The following AK7 variants were observed in gnomAD, a reference collection of about 807,000 sequenced individuals.
AK7 encodes the protein ATP-AMP transphosphorylase 7.
A neutral mutation model predicts 96.6 loss-of-function variants in AK7; 78 were observed. The observed-to-expected ratio is 0.81, with a 90% CI of 0.67 to 0.97. The LOEUF is 0.97. Among genes scored for constraint, AK7 ranks in the 50% least tolerant of loss-of-function variants. The pLI is 0.00. For synonymous variants in AK7, 302 were observed against 317.2 expected, an observed-to-expected ratio of 0.95 and a Z score of 0.51; for missense variants, 855 against 887.9, an observed-to-expected ratio of 0.96 and a Z score of 0.47.
At chr14:96,411,483 C>T (rs1310342219) in intron 4 of AK7, among the ~76,000 whole-genome samples, 2 of 151,792 alleles carry the variant, frequency 1.3e-5, no homozygotes, top group African/African-American at 2.4e-5. Context: ...TGTACTCCAG[C>T]CTGGGCGACA....
At chr14:96,457,057 T>C (rs1372865712) in intron 11 of AK7, 1 of 126,850 alleles carries the variant, frequency 7.9e-6, no homozygotes, top group Non-Finnish European at 1.6e-5. Flanking sequence ...AAAATGGCTT[T>C]TTTTTTTTTT....
At chr14:96,455,401 T>A (rs1390389172) in intron 10 of AK7, among the ~76,000 whole-genome samples, 1 of 151,872 alleles carries the variant, frequency 6.6e-6, no homozygotes, top group Non-Finnish European at 1.5e-5. Flanking sequence ...GGGAGGATGG[T>A]TTGAGCCCAG....
chr14:96,455,949 G>T (rs1226746962), intron 10 of AK7, among the ~76,000 whole-genome samples: 1 of 151,776 alleles, frequency 6.6e-6, no homozygotes, highest in African/African-American at 2.4e-5. Context: ...TTTTCAAAAG[G>T]CACTCCCAGC....
chr14:96,404,511 G>T (rs1371774821), intron 2 of AK7, among the ~76,000 whole-genome samples: 1 of 152,166 alleles, frequency 6.6e-6, no homozygotes, highest in East Asian at 1.9e-4. Flanking sequence ...TGCAGAAATA[G>T]AACCTAAGAT....
intron 4 of AK7, among the ~76,000 whole-genome samples, chr14:96,410,957 C>T (rs902701356): frequency 6.6e-6 from 1 of 152,090 alleles, no homozygotes; most frequent in African/African-American, 2.4e-5. Flanking sequence ...GCTGAGATCA[C>T]ACCACTGCAC....
At chr14:96,460,966 A>G (rs1162941514) in intron 12 of AK7, among the ~76,000 whole-genome samples, 2 of 152,150 alleles carry the variant, frequency 1.3e-5, no homozygotes, top group African/African-American at 2.4e-5. Context: ...TTGCATGCAA[A>G]CACCAAGTGT....
In AK7 at chr14:96,398,497, T is replaced by G. The variant is rs545015123; in HGVS notation, c.294+234T>G. ...TAGTGTTGGAAAGGATGGATCTAAG[T>G]TGGACTTTCAGACTCATACAGTTCT... On this transcript the variant is annotated intron_variant, in intron 2 of 17. Transcript: ENST00000267584. 5.4e-6 allele frequency: 3 copies of G among 550,860 alleles called. No individual in the cohort carries two copies. The South Asian group carries it at 6.1e-5, about 11-fold the overall frequency. The allele number at this position is 550,860 out of a possible 1,614,324, so 34.1% of individuals were successfully genotyped here.
In AK7 at chr14:96,460,640, T is replaced by G. The variant is rs530019006; in HGVS notation, c.1357+2428T>G. 3.0e-4 allele frequency among the ~76,000 whole-genome samples: 45 copies of G among 152,294 alleles called. 1 individual carries two copies. The South Asian group carries it at 9.1e-3, about 31-fold the overall frequency. On this transcript the variant is annotated intron_variant, in intron 12 of 17. Coordinates refer to ENST00000267584, the MANE Select transcript of AK7 (RefSeq NM_152327.5). ...CACCCCTTTGCCATAGAGGTTGTCC[T>G]CTTCCCAGCTACTCACCTCCACCTG...
chr14:96,481,855 C>T (rs1895523792), intron 15 of AK7, among the ~76,000 whole-genome samples: 1 of 151,790 alleles, frequency 6.6e-6, no homozygotes, highest in African/African-American at 2.4e-5. Context: ...CAGGTGTGCA[C>T]CACCACACCA....
chr14:96,422,784 C>T (rs61652404), intron 5 of AK7, among the ~76,000 whole-genome samples: 49,554 of 151,940 alleles, frequency 0.33, 8,382 homozygotes, highest in Middle Eastern at 0.38. Context: ...TTCAGGGGGT[C>T]GCCCTATAGC....
At chr14:96,408,696 T>C in intron 3 of AK7, 151 bp from the exon 4 acceptor site, 1 of 652,514 alleles carries the variant, frequency 1.5e-6, no homozygotes, top group Non-Finnish European at 2.7e-6. Flanking sequence ...AGGGGGAATT[T>C]GAAGAACGGT....
chr14:96,486,063 C>T (rs1265719162), intron 16 of AK7, among the ~76,000 whole-genome samples: 1 of 152,060 alleles, frequency 6.6e-6, no homozygotes, highest in Non-Finnish European at 1.5e-5. Context: ...GGATTACAGG[C>T]GTGAGCCACC....
chr14:96,415,459 A>G (rs1269944472), intron 4 of AK7, among the ~76,000 whole-genome samples: 1 of 152,082 alleles, frequency 6.6e-6, no homozygotes, highest in Non-Finnish European at 1.5e-5. Flanking sequence ...GCTGGAATGA[A>G]GTGTTGTCTT....
At chr14:96,452,529 T>C (rs1197254634) in intron 10 of AK7, among the ~76,000 whole-genome samples, 1 of 152,174 alleles carries the variant, frequency 6.6e-6, no homozygotes, top group Non-Finnish European at 1.5e-5. Flanking sequence ...TTTCACCATG[T>C]GGACCAGGCT....
At chr14:96,427,553 G>A (rs1892099253) in intron 5 of AK7, among the ~76,000 whole-genome samples, 1 of 152,162 alleles carries the variant, frequency 6.6e-6, no homozygotes, top group Non-Finnish European at 1.5e-5. Context: ...ATTACAATTC[G>A]ACGTGAGATT....
At position 96,449,380 on chromosome 14, in the gene AK7, C is replaced by T. The variant is rs145444977; in HGVS notation, c.871-422C>T. ...TTATCTCCACTACTTGGCACTAATG[C>T]TATTTAAAAAAATTCAATTATGTTC... On this transcript the variant is annotated intron_variant, in intron 8 of 17. Coordinates refer to ENST00000267584, the MANE Select transcript of AK7 (RefSeq NM_152327.5). Among the ~76,000 whole-genome samples, 17 of 152,270 alleles carry T rather than the reference C, an allele frequency of 1.1e-4. No homozygotes were observed. In the East Asian group the frequency reaches 3.1e-3, roughly 28 times the overall value.
intron 12 of AK7, among the ~76,000 whole-genome samples, chr14:96,465,834 A>C (rs961095204): frequency 2.6e-5 from 4 of 151,906 alleles, no homozygotes; most frequent in African/African-American, 7.3e-5. Context: ...AGATGGTGAA[A>C]CCCTGTCTCT....
At chr14:96,470,856 C>CG (rs1894844883) in intron 12 of AK7, among the ~76,000 whole-genome samples, 1 of 152,118 alleles carries the variant, frequency 6.6e-6, no homozygotes, top group South Asian at 2.1e-4. Flanking sequence ...AGAAACCCTG[C>CG]GGGCGGGCGG....
intron 2 of AK7, among the ~76,000 whole-genome samples, chr14:96,403,031 G>A (rs1398270387): frequency 6.6e-6 from 1 of 151,894 alleles, no homozygotes; most frequent in Non-Finnish European, 1.5e-5. Context: ...AGGGAGAATT[G>A]CTTGAATCTG....
Sources: gnomAD v4.1 joint callset for allele counts (sites outside exome capture counted in the v4.1 genomes callset) on GRCh38, gnomAD v4.1.1 for gene constraint, MANE v1.5 for transcripts, NCBI Gene and HGNC (gene_info 2026-07-23, HGNC 2026-07-21) for gene names.